The following PTPN13 variants were observed in gnomAD, a reference collection of about 807,000 sequenced individuals.
PTPN13 encodes the protein protein tyrosine phosphatase non-receptor type 13.
Under a neutral mutation model 284.0 loss-of-function variants are expected in PTPN13, and 191 were observed. The ratio of observed to expected loss-of-function variants is 0.67; its 90% CI spans 0.60 to 0.76. The LOEUF is 0.76. Among genes scored for constraint, PTPN13 ranks in the 30% least tolerant of loss-of-function variants. The probability of loss-of-function intolerance (pLI) is 0.00; values close to 1 mark genes in which losing one functional copy is unlikely to be tolerated. For synonymous variants in PTPN13, 986 were observed against 1,022.3 expected (o/e 0.96, Z 0.68); for missense variants, 2,797 against 2,939.9 (o/e 0.95, Z 1.12).
chr4:86,780,272 T>G (rs1741146011), intron 35 of PTPN13, 130 bp from the exon 36 acceptor site: 1 of 713,340 alleles, frequency 1.4e-6, no homozygotes, highest in Non-Finnish European at 2.5e-6. Context: ...TGGTGGCACA[T>G]GCCTGTGGTC....
chr4:86,637,543 G>A (rs1723173237), intron 2 of PTPN13, among the ~76,000 whole-genome samples: 1 of 151,730 alleles, frequency 6.6e-6, no homozygotes, highest in African/African-American at 2.4e-5. Context: ...ATCAATAAAT[G>A]TAATCCAGCA....
intron 1 of PTPN13, among the ~76,000 whole-genome samples, chr4:86,606,591 A>T (rs371361265): frequency 8.2e-4 from 124 of 152,028 alleles, no homozygotes; most frequent in African/African-American, 2.6e-3. Context: ...TATTCCTAAA[A>T]AGTTTCTAAA....
At chr4:86,781,856 G>A (rs10084899) in intron 36 of PTPN13, among the ~76,000 whole-genome samples, 12,535 of 151,848 alleles carry the variant, frequency 0.083, 659 homozygotes, top group Non-Finnish European at 0.11. Flanking sequence ...CCAGATACTT[G>A]GGAGGCTGAG....
intron 41 of PTPN13, among the ~76,000 whole-genome samples, chr4:86,797,449 G>A (rs1356936864): frequency 1.3e-5 from 2 of 151,570 alleles, no homozygotes; most frequent in East Asian, 1.9e-4. Context: ...CCGAGATCGC[G>A]CCACTGTACT....
intron 7 of PTPN13, among the ~76,000 whole-genome samples, chr4:86,711,526 T>A (rs1426802377): frequency 6.6e-6 from 1 of 152,184 alleles, no homozygotes; most frequent in Non-Finnish European, 1.5e-5. Context: ...TTCGCTCTTT[T>A]CTTCTCATTA....
At position 86,807,709 on chromosome 4, in the gene PTPN13, G is replaced by A. The variant is rs1362885044; in HGVS notation, c.6895G>A (p.Glu2299Lys). The A allele has an allele frequency of 1.2e-6, 2 of 1,613,842 alleles. No individual in the cohort carries two copies. The highest frequency in any genetic ancestry group is 2.2e-5 in the East Asian group (1 of 44,896). The change falls in exon 45 of 48, where the codon GAG (glutamate) becomes AAG (lysine). Residue 2299 changes from glutamate to lysine, a missense_variant. Transcript: ENST00000411767. The stretch of plus-strand genomic sequence containing the variant: ...TGGAGACTTCTGGCAGATGATTTGG[G>A]AGCAAAAATCCACAGTGATAGCCAT... ...TVGDFWQMIWEQKSTVIAMMT... is the reference protein window; with the variant it reads ...TVGDFWQMIWKQKSTVIAMMT...
chr4:86,781,959 C>T (rs1377308020), intron 36 of PTPN13, among the ~76,000 whole-genome samples: 1 of 135,078 alleles, frequency 7.4e-6, no homozygotes, highest in African/African-American at 2.8e-5. Context: ...ATGACTCTGT[C>T]GAAAAAAAAA....
rs78574686 is a variant in PTPN13 at position 86,633,945 on chromosome 4, T to C, written c.-5-1307T>C. On this transcript the variant is annotated intron_variant, in intron 1 of 47. Transcript: ENST00000411767. ...TTGGCTTTTTTAAAGCAGTATCTTA[T>C]AGTTTCCTTTTAACTTTCACATTGT... Among the ~76,000 whole-genome samples, 550 of 152,350 alleles carry C rather than the reference T, an allele frequency of 3.6e-3. 7 individuals are homozygous for C. Among genetic ancestry groups the C allele is most frequent in the African/African-American group, 0.013 (526 of 41,592 alleles).
At chr4:86,722,855 G>C (rs1348830924) in intron 10 of PTPN13, among the ~76,000 whole-genome samples, 1 of 152,128 alleles carries the variant, frequency 6.6e-6, no homozygotes, top group Admixed American at 6.5e-5. Flanking sequence ...TTGCTGCTCT[G>C]TGATTCTCAG....
intron 3 of PTPN13, among the ~76,000 whole-genome samples, chr4:86,679,185 T>A (rs1471400365): frequency 1.3e-5 from 2 of 152,226 alleles, no homozygotes; most frequent in Non-Finnish European, 2.9e-5. Flanking sequence ...TCTTTCAGCT[T>A]TGAAAACTCT....
rs2287148 is a variant in PTPN13 at position 86,811,478 on chromosome 4, A to G, written c.7362+370A>G. ...AGAAGGTAACATTCTTGCTACAGAAATTCCCTGAGAAGTAATGGATTCATC... is the reference window on the plus strand; with the variant it reads ...AGAAGGTAACATTCTTGCTACAGAAGTTCCCTGAGAAGTAATGGATTCATC... On this transcript the variant is annotated intron_variant, in intron 47 of 47. Coordinates refer to ENST00000411767, the MANE Select transcript of PTPN13 (RefSeq NM_080683.3). Among the ~76,000 whole-genome samples, 97 of 152,360 alleles carry G rather than the reference A, an allele frequency of 6.4e-4. No individual in the cohort carries two copies. In the East Asian group the frequency reaches 0.018, roughly 28 times the overall value.
At chr4:86,701,929 C>A in intron 7 of PTPN13, 128 bp downstream of exon 7, 1 of 834,040 alleles carries the variant, frequency 1.2e-6, no homozygotes, top group Non-Finnish European at 1.8e-6. Flanking sequence ...CCTGGTTAGT[C>A]TCTTACTTCT....
rs1006606206 is a variant in PTPN13, at chr4:86,656,189, T to C, written c.116-16176T>C. ...TAGCTTCTTTGCGATGAGTTCCAAC[T>C]TCCTCCTTTAGCTCAGAGAAGTTTG... On this transcript the variant is annotated intron_variant, in intron 2 of 47. Transcript: ENST00000411767. Among the ~76,000 whole-genome samples, 3 of 152,208 alleles carry C rather than the reference T, an allele frequency of 2.0e-5. No homozygotes were observed. The South Asian group carries it at 6.2e-4, about 31-fold the overall frequency.
chr4:86,763,156 A>G lies in PTPN13; in HGVS notation c.3983A>G (p.Tyr1328Cys), dbSNP rs1490943687. 2 of 1,613,332 alleles carry G rather than the reference A, an allele frequency of 1.2e-6. No individual in the cohort carries two copies. The highest frequency in any genetic ancestry group is 2.7e-5 in the African/African-American group (2 of 74,826). Residue 1328 changes from tyrosine (Y) to cysteine (C), a missense_variant, in exon 24 of 48, where the codon TAC becomes TGC. Physicochemically the swap from Tyr to Cys is radical, Grantham distance 194. Transcript: ENST00000411767. ...RGDSDMDEATYSSSQDHQTPK... is the reference protein window; with the variant it reads ...RGDSDMDEATCSSSQDHQTPK... ...GATTCAGACATGGATGAAGCCACTT[A>G]CTCCAGCAGTCAGGATCATCAAACA...
intron 20 of PTPN13, among the ~76,000 whole-genome samples, chr4:86,757,390 T>C (rs1738102490): frequency 1.3e-5 from 2 of 152,166 alleles, no homozygotes; most frequent in Non-Finnish European, 1.5e-5. Context: ...ACTTGTGAGA[T>C]TGTTTCACAA....
chr4:86,813,047 G>C (rs1745417804), intron 47 of PTPN13, among the ~76,000 whole-genome samples: 1 of 152,120 alleles, frequency 6.6e-6, no homozygotes, highest in Non-Finnish European at 1.5e-5. Flanking sequence ...AGTCAAGGAT[G>C]AATGTGTGGA....
chr4:86,803,064 C>CTGTGTGTG (rs143647187), intron 42 of PTPN13, among the ~76,000 whole-genome samples: 5,182 of 136,066 alleles, frequency 0.038, 115 homozygotes, highest in Non-Finnish European at 0.041. Context: ...CAGAATAAGA[C>CTGTGTGTG]TGTGTGTGTG....
intron 2 of PTPN13, among the ~76,000 whole-genome samples, chr4:86,654,228 T>C (rs896524562): frequency 2.4e-4 from 36 of 151,950 alleles, no homozygotes; most frequent in Non-Finnish European, 5.1e-4. Context: ...AATCAATGAA[T>C]CCAGGAGCTG....
At chr4:86,707,542 T>A (rs1731901724) in intron 7 of PTPN13, among the ~76,000 whole-genome samples, 1 of 152,212 alleles carries the variant, frequency 6.6e-6, no homozygotes, top group African/African-American at 2.4e-5. Flanking sequence ...ACAGTTACGC[T>A]TAAGAAAAGC....
Sources: allele counts gnomAD v4.1 joint callset (sites outside exome capture counted in the v4.1 genomes callset), GRCh38; gene constraint gnomAD v4.1.1; transcripts MANE v1.5; gene names NCBI Gene and HGNC (gene_info 2026-07-23, HGNC 2026-07-21).